The following DLG2 variants were observed in gnomAD, a reference collection of about 807,000 sequenced individuals.
The protein encoded by DLG2 is disks large homolog 2.
DLG2 carries 45 observed loss-of-function variants against 132.5 expected under a neutral mutation model. The observed-to-expected ratio is 0.34, with a 90% CI of 0.27 to 0.44. The LOEUF is 0.44. Among genes scored for constraint, DLG2 ranks in the 20% least tolerant of loss-of-function variants. The probability of loss-of-function intolerance (pLI) is 1.00; values close to 1 mark genes in which losing one functional copy is unlikely to be tolerated. For missense variants in DLG2, 1,045 were observed against 1,196.9 expected (o/e 0.87, Z 1.87); for synonymous variants, 424 against 419.6 (o/e 1.01, Z -0.13).
At chr11:84,723,756 T>C (rs2062089811) in intron 6 of DLG2, among the ~76,000 whole-genome samples, 1 of 152,170 alleles carries the variant, frequency 6.6e-6, no homozygotes, top group Admixed American at 6.6e-5. Context: ...CATTCATTTT[T>C]ATAGTCAAAA....
chr11:85,462,567 C>T (rs1013961526), intron 3 of DLG2, among the ~76,000 whole-genome samples: 2 of 151,916 alleles, frequency 1.3e-5, no homozygotes, highest in Non-Finnish European at 2.9e-5. Flanking sequence ...AACCAAACAC[C>T]GCATGTTCTC....
intron 6 of DLG2, among the ~76,000 whole-genome samples, chr11:84,732,754 A>G (rs2063313953): frequency 6.6e-6 from 1 of 151,754 alleles, no homozygotes; most frequent in Non-Finnish European, 1.5e-5. Context: ...TTAACTCGTC[A>G]TTTACATTAG....
chr11:83,659,092 C>T (rs34580158), intron 18 of DLG2, among the ~76,000 whole-genome samples: 1,565 of 152,262 alleles, frequency 0.01, 11 homozygotes, highest in South Asian at 0.036. Flanking sequence ...GTCGTAGTTT[C>T]TGATACACAT....
intron 5 of DLG2, among the ~76,000 whole-genome samples, chr11:85,139,349 T>C (rs1483902499): frequency 6.6e-6 from 1 of 152,060 alleles, no homozygotes; most frequent in Non-Finnish European, 1.5e-5. Flanking sequence ...CTTTAAAAAG[T>C]ATATGGCTAG....
chr11:84,308,479 C>T (rs2098251157), intron 7 of DLG2, among the ~76,000 whole-genome samples: 1 of 152,230 alleles, frequency 6.6e-6, no homozygotes, highest in Non-Finnish European at 1.5e-5. Flanking sequence ...AGGAGCCCAG[C>T]TGGCTTCACC....
At position 83,524,269 on chromosome 11, in the gene DLG2, T is replaced by C. The variant is rs565781154; in HGVS notation, c.2193+8439A>G. ...ACTGTGCCTGTGTATCTCAAATTAG[T>C]AGCATGCCTAACAAAATCTCTGGGG... On this transcript the variant is annotated intron_variant, in intron 21 of 27. Transcript: ENST00000376104. 1.2e-4 allele frequency among the ~76,000 whole-genome samples: 19 copies of C among 152,288 alleles called. No individual in the cohort carries two copies. The Middle Eastern group carries it at 0.01, about 82-fold the overall frequency.
chr11:85,394,642 A>G (rs867600183), intron 3 of DLG2, among the ~76,000 whole-genome samples: 3 of 152,338 alleles, frequency 2.0e-5, no homozygotes, highest in Middle Eastern at 3.4e-3. Context: ...AACTCAAGAC[A>G]TTTATTGAGC....
At chr11:84,750,208 G>C (rs1262882203) in intron 6 of DLG2, among the ~76,000 whole-genome samples, 2 of 151,950 alleles carry the variant, frequency 1.3e-5, no homozygotes, top group Admixed American at 6.6e-5. Context: ...CGATATTCAG[G>C]CTTGTTACAT....
intron 18 of DLG2, among the ~76,000 whole-genome samples, chr11:83,670,460 A>T (rs1454350800): frequency 6.6e-6 from 1 of 152,078 alleles, no homozygotes; most frequent in Non-Finnish European, 1.5e-5. Context: ...TTTGGTATAC[A>T]TTGTCCTTAT....
intron 8 of DLG2, among the ~76,000 whole-genome samples, chr11:84,168,078 T>C (rs1042831504): frequency 2.5e-4 from 38 of 152,204 alleles, no homozygotes; most frequent in Admixed American, 5.2e-4. Flanking sequence ...CAAAGAGCAA[T>C]TATTAAGCAT....
chr11:85,524,477 A>G (rs890056844), intron 3 of DLG2, among the ~76,000 whole-genome samples: 1 of 151,322 alleles, frequency 6.6e-6, no homozygotes, highest in East Asian at 2.0e-4. Flanking sequence ...CTAGGCTCAA[A>G]AAGAGAACTT....
At chr11:85,463,260 T>C (rs994981716) in intron 3 of DLG2, among the ~76,000 whole-genome samples, 12 of 152,180 alleles carry the variant, frequency 7.9e-5, no homozygotes, top group Middle Eastern at 3.2e-3. Flanking sequence ...AATTAATTAC[T>C]CAATAATAAC....
At chr11:83,766,373 G>A (rs2094145280) in intron 18 of DLG2, among the ~76,000 whole-genome samples, 1 of 149,698 alleles carries the variant, frequency 6.7e-6, no homozygotes, top group Non-Finnish European at 1.5e-5. Context: ...GATTACAGGT[G>A]TGAGCCACCA....
intron 6 of DLG2, among the ~76,000 whole-genome samples, chr11:85,084,235 G>A (rs963206739): frequency 2.0e-5 from 3 of 152,102 alleles, no homozygotes; most frequent in African/African-American, 7.2e-5. Context: ...AGAATTTCTG[G>A]AGCAATGTTC....
intron 6 of DLG2, among the ~76,000 whole-genome samples, chr11:84,683,468 C>T (rs926692842): frequency 1.3e-5 from 2 of 152,128 alleles, no homozygotes; most frequent in African/African-American, 4.8e-5. Flanking sequence ...TTGACTTCAA[C>T]CTAAGAACTG....
At chr11:83,842,836 AGG>A (rs2057908426) in intron 16 of DLG2, among the ~76,000 whole-genome samples, 1 of 146,660 alleles carries the variant, frequency 6.8e-6, no homozygotes. Context: ...AAAAAAAAGA[AGG>A]AAAATTACTA....
At chr11:84,816,140 AC>A (rs773270695) in intron 6 of DLG2, among the ~76,000 whole-genome samples, 1 of 151,908 alleles carries the variant, frequency 6.6e-6, no homozygotes, top group African/African-American at 2.4e-5. Flanking sequence ...CAAATGCAAC[AC>A]CTTTTTGAGT....
chr11:84,279,665 G>A (rs2097831043), intron 7 of DLG2, among the ~76,000 whole-genome samples: 1 of 152,148 alleles, frequency 6.6e-6, no homozygotes, highest in Non-Finnish European at 1.5e-5. Flanking sequence ...GCAGGGACAT[G>A]GATGAAGATG....
chr11:83,623,220 T>C (rs1294394617), intron 19 of DLG2, among the ~76,000 whole-genome samples: 1 of 152,186 alleles, frequency 6.6e-6, no homozygotes, highest in Non-Finnish European at 1.5e-5. Context: ...TTTTATTTGA[T>C]ATAAGAATAG....
Sources: gnomAD v4.1 joint callset for allele counts (sites outside exome capture counted in the v4.1 genomes callset) on GRCh38, gnomAD v4.1.1 for gene constraint, MANE v1.5 for transcripts, NCBI Gene and HGNC (gene_info 2026-07-23, HGNC 2026-07-21) for gene names.